XYLT1: variants seen among roughly 807,000 people sequenced by gnomAD.
XYLT1 encodes the protein beta-D-xylosyltransferase 1.
In XYLT1, 36 loss-of-function variants were observed where a neutral mutation model predicts 91.3. That is an observed-to-expected ratio of 0.39 (90% CI 0.30 to 0.52). The LOEUF is 0.52. XYLT1 is among the 20% of genes least tolerant of loss of function. The pLI, the probability that XYLT1 is intolerant of heterozygous loss-of-function variation, is 0.68. For missense variants in XYLT1, 1,242 were observed against 1,284.5 expected (o/e 0.97, Z 0.51); for synonymous variants, 588 against 532.0 (o/e 1.11, Z -1.45).
intron 5 of XYLT1, among the ~76,000 whole-genome samples, chr16:17,175,190 G>A (rs1041940063): frequency 2.6e-5 from 4 of 152,070 alleles, no homozygotes; most frequent in Admixed American, 2.6e-4. Flanking sequence ...AACCATGTTT[G>A]GTGTATCCTA....
intron 3 of XYLT1, among the ~76,000 whole-genome samples, chr16:17,212,791 G>C (rs757955169): frequency 3.3e-5 from 5 of 152,160 alleles, no homozygotes; most frequent in Non-Finnish European, 7.3e-5. Context: ...GAAACTGGTG[G>C]GATAGATATT....
chr16:17,445,956 G>A (rs992359999), intron 1 of XYLT1: 1 of 152,212 alleles, frequency 6.6e-6, no homozygotes, highest in African/African-American at 2.4e-5. Flanking sequence ...CCTGCCTCTC[G>A]AGGGATGCTC....
chr16:17,443,893 T>C (rs1334821072), intron 1 of XYLT1, among the ~76,000 whole-genome samples: 1 of 152,170 alleles, frequency 6.6e-6, no homozygotes, highest in Non-Finnish European at 1.5e-5. Flanking sequence ...CCCAATACTT[T>C]TCCATGACAC....
At chr16:17,161,675 G>GCTCTCTCTCTCT (rs111901583) in intron 5 of XYLT1, among the ~76,000 whole-genome samples, 7 of 94,476 alleles carry the variant, frequency 7.4e-5, no homozygotes, top group Non-Finnish European at 1.8e-4. Flanking sequence ...AGTTTCTCGC[G>GCTCTCTCTCTCT]CGCTCTCTCT....
chr16:17,252,166 A>G (rs534064801), intron 3 of XYLT1, among the ~76,000 whole-genome samples: 1 of 152,320 alleles, frequency 6.6e-6, no homozygotes, highest in East Asian at 1.9e-4. Context: ...CAAGCCAAGC[A>G]CATCCACTTA....
chr16:17,134,580 G>C lies in XYLT1; in HGVS notation c.1920C>G (p.Gly640=). ...YWENVYDEPD[G]IHSLSDVTLT... is the part of the protein sequence containing the mutation. ...GTGTCACGTCGCTCAGGCTGTGGAT[G>C]CCGTCAGGCTCATCGTAGACATTCT... Residue 640 remains glycine (G), a synonymous_variant, in exon 9 of 12, where the codon GGC becomes GGG. Coordinates refer to ENST00000261381, the MANE Select transcript of XYLT1 (RefSeq NM_022166.4). 6.2e-7 allele frequency: 1 copy of C among 1,614,222 alleles called. No individual in the cohort carries two copies. Among genetic ancestry groups the C allele is most frequent in the Non-Finnish European group, 8.5e-7 (1 of 1,180,052 alleles).
intron 5 of XYLT1, among the ~76,000 whole-genome samples, chr16:17,186,593 C>T (rs528293170): frequency 1.3e-4 from 20 of 151,936 alleles, no homozygotes; most frequent in East Asian, 3.9e-4. Flanking sequence ...TGAGCCACTG[C>T]GCCTGCTGAA....
intron 1 of XYLT1, among the ~76,000 whole-genome samples, chr16:17,435,294 T>C (rs1188083228): frequency 6.6e-6 from 1 of 152,182 alleles, no homozygotes; most frequent in Non-Finnish European, 1.5e-5. Context: ...CAGAAATGCA[T>C]GGAAAGGGGC....
At chr16:17,288,376 C>T (rs982286063) in intron 2 of XYLT1, among the ~76,000 whole-genome samples, 1 of 151,956 alleles carries the variant, frequency 6.6e-6, no homozygotes, top group Admixed American at 6.6e-5. Context: ...CAGTTTCACT[C>T]ATGGCAAGAG....
At chr16:17,225,937 A>C (rs1009609545) in intron 3 of XYLT1, among the ~76,000 whole-genome samples, 2 of 152,188 alleles carry the variant, frequency 1.3e-5, no homozygotes, top group Non-Finnish European at 2.9e-5. Context: ...TGTAAATTAC[A>C]TATTTACCTT....
chr16:17,221,017 T>A (rs1319952279), intron 3 of XYLT1, among the ~76,000 whole-genome samples: 1 of 152,228 alleles, frequency 6.6e-6, no homozygotes, highest in Admixed American at 6.5e-5. Flanking sequence ...AAATGCAGAA[T>A]GAGTGAGTGA....
At chr16:17,453,750 C>A (rs1358837505) in intron 1 of XYLT1, among the ~76,000 whole-genome samples, 1 of 152,080 alleles carries the variant, frequency 6.6e-6, no homozygotes, top group Non-Finnish European at 1.5e-5. Context: ...ACCAGAAAGC[C>A]AGAGATAAAC....
intron 2 of XYLT1, among the ~76,000 whole-genome samples, chr16:17,356,528 G>T (rs539014099): frequency 6.6e-6 from 1 of 152,064 alleles, no homozygotes; most frequent in East Asian, 2.0e-4. Context: ...CCATCAGGGA[G>T]GAAGCAAGGA....
intron 1 of XYLT1, among the ~76,000 whole-genome samples, chr16:17,467,123 A>G (rs1229692104): frequency 6.6e-6 from 1 of 152,230 alleles, no homozygotes; most frequent in South Asian, 2.1e-4. Context: ...CGGATAATAC[A>G]GAAACCCCAT....
intron 9 of XYLT1, among the ~76,000 whole-genome samples, chr16:17,133,314 T>G (rs1401800838): frequency 6.6e-6 from 1 of 151,972 alleles, no homozygotes; most frequent in Admixed American, 6.6e-5. Context: ...AAAAAGATGC[T>G]ATGTTGTTAA....
intron 2 of XYLT1, among the ~76,000 whole-genome samples, chr16:17,313,264 G>A (rs2034577438): frequency 6.6e-6 from 1 of 152,224 alleles, no homozygotes; most frequent in Admixed American, 6.5e-5. Context: ...CAGGAAGCAG[G>A]AAGCTGGGCT....
At chr16:17,329,296 T>C (rs2034861362) in intron 2 of XYLT1, among the ~76,000 whole-genome samples, 2 of 152,232 alleles carry the variant, frequency 1.3e-5, no homozygotes, top group Non-Finnish European at 2.9e-5. Context: ...ATTCAAATTA[T>C]TTCAATCCAC....
chr16:17,445,286 C>G (rs2036578185), intron 1 of XYLT1, among the ~76,000 whole-genome samples: 1 of 152,044 alleles, frequency 6.6e-6, no homozygotes, highest in Non-Finnish European at 1.5e-5. Context: ...ATCAGCCACA[C>G]TTGTTCACTG....
At chr16:17,174,161 A>G (rs970795140) in intron 5 of XYLT1, among the ~76,000 whole-genome samples, 1 of 152,182 alleles carries the variant, frequency 6.6e-6, no homozygotes, top group Middle Eastern at 3.2e-3. Flanking sequence ...AAAACACAAA[A>G]GAAAGATATA....
Sources: gnomAD v4.1 joint callset for allele counts (sites outside exome capture counted in the v4.1 genomes callset) on GRCh38, gnomAD v4.1.1 for gene constraint, MANE v1.5 for transcripts, NCBI Gene and HGNC (gene_info 2026-07-23, HGNC 2026-07-21) for gene names.